Variants in KCNIP4 observed in about 807,000 individuals in gnomAD.
KCNIP4 encodes the protein Kv channel-interacting protein 4.
Under a neutral mutation model 34.0 loss-of-function variants are expected in KCNIP4, and 12 were observed. That is an observed-to-expected ratio of 0.35 (90% CI 0.23 to 0.57). The LOEUF (loss-of-function observed/expected upper bound fraction) is 0.57, where lower values mean the gene tolerates loss of function less well. Ranked by LOEUF, KCNIP4 falls within the 20% of genes least tolerant of loss-of-function variation. KCNIP4 has a pLI of 0.83. For synonymous variants in KCNIP4, 124 were observed against 102.2 expected, an observed-to-expected ratio of 1.21 and a Z score of -1.29; for missense variants, 238 against 311.7, an observed-to-expected ratio of 0.76 and a Z score of 1.78.
intron 3 of KCNIP4, among the ~76,000 whole-genome samples, chr4:20,838,351 C>T (rs996930199): frequency 1.3e-5 from 2 of 152,152 alleles, no homozygotes; most frequent in African/African-American, 4.8e-5. Context: ...GAAGGATTAG[C>T]TGAATCTAAG....
intron 1 of KCNIP4, among the ~76,000 whole-genome samples, chr4:21,529,713 A>T (rs563244615): frequency 6.6e-6 from 1 of 152,306 alleles, no homozygotes; most frequent in African/African-American, 2.4e-5. Context: ...CTCTCAAGAG[A>T]GAATGTCAAG....
chr4:21,437,701 T>C (rs1301893615), intron 1 of KCNIP4, among the ~76,000 whole-genome samples: 1 of 152,180 alleles, frequency 6.6e-6, no homozygotes, highest in East Asian at 1.9e-4. Flanking sequence ...CTTAACTAAA[T>C]ACGCAGTGAT....
intron 1 of KCNIP4, among the ~76,000 whole-genome samples, chr4:21,778,223 CCTTTTTTTTTTT>C (rs1719311483): frequency 8.3e-6 from 1 of 121,126 alleles, no homozygotes; most frequent in South Asian, 2.3e-4. Context: ...TTCCTTTTTT[CCTTTTTTTTTTT>C]CTTTTTTTTT....
Position 21,048,089 on chromosome 4 carries a change from T to G in KCNIP4, c.62-165380A>C, listed in dbSNP as rs1270125595. 9.2e-5 allele frequency among the ~76,000 whole-genome samples: 14 copies of G among 152,244 alleles called. No homozygotes were observed. The East Asian group carries it at 2.7e-3, about 29-fold the overall frequency. The stretch of plus-strand genomic sequence containing the variant: ...TGTGCACCTATCTCCACAATTATTT[T>G]GTATCTTTACCCTGAGTTATTTTTC... On this transcript the variant is annotated intron_variant, in intron 1 of 8. Coordinates refer to ENST00000382152, the MANE Select transcript of KCNIP4 (RefSeq NM_025221.6).
intron 1 of KCNIP4, among the ~76,000 whole-genome samples, chr4:21,945,197 A>G (rs907381299): frequency 2.0e-5 from 3 of 152,196 alleles, no homozygotes; most frequent in Non-Finnish European, 4.4e-5. Context: ...ACAATCAACC[A>G]CTACCTGGCC....
chr4:20,882,585 A>C (rs758686737), intron 2 of KCNIP4, 23 bp downstream of exon 2: 5 of 1,578,774 alleles, frequency 3.2e-6, no homozygotes, highest in Non-Finnish European at 1.7e-6. Context: ...GGAGGAAAAA[A>C]AAAAACAAAA....
intron 1 of KCNIP4, among the ~76,000 whole-genome samples, chr4:21,644,295 A>G (rs1746848939): frequency 6.6e-6 from 1 of 152,172 alleles, no homozygotes; most frequent in Non-Finnish European, 1.5e-5. Flanking sequence ...AAAGGGTTGG[A>G]GAAATTCCAA....
At chr4:20,960,820 A>T (rs903017911) in intron 1 of KCNIP4, among the ~76,000 whole-genome samples, 14 of 152,214 alleles carry the variant, frequency 9.2e-5, no homozygotes, top group Non-Finnish European at 1.8e-4. Flanking sequence ...TACTATTAAG[A>T]AAAAAGAAAG....
chr4:21,371,206 A>G (rs913376713), intron 1 of KCNIP4, among the ~76,000 whole-genome samples: 1 of 145,862 alleles, frequency 6.9e-6, no homozygotes, highest in Non-Finnish European at 1.5e-5. Context: ...TTTTAGGTAC[A>G]GGAATGAAAT....
intron 1 of KCNIP4, among the ~76,000 whole-genome samples, chr4:21,881,825 C>T (rs1376498674): frequency 6.6e-6 from 1 of 152,038 alleles, no homozygotes; most frequent in African/African-American, 2.4e-5. Context: ...TAGCCTTGAC[C>T]CAAACTTAGC....
chr4:21,217,603 A>T (rs1455502945), intron 1 of KCNIP4, among the ~76,000 whole-genome samples: 1 of 152,194 alleles, frequency 6.6e-6, no homozygotes, highest in Non-Finnish European at 1.5e-5. Context: ...ATGAGCTGCA[A>T]GGGGGAAGGA....
intron 1 of KCNIP4, among the ~76,000 whole-genome samples, chr4:21,123,571 AAAC>A (rs1750353306): frequency 6.6e-6 from 1 of 152,212 alleles, no homozygotes; most frequent in African/African-American, 2.4e-5. Flanking sequence ...CAGAAATTTA[AAAC>A]AATAAACAAT....
At chr4:21,872,110 C>T (rs1280523459) in intron 1 of KCNIP4, among the ~76,000 whole-genome samples, 1 of 152,030 alleles carries the variant, frequency 6.6e-6, no homozygotes, top group Non-Finnish European at 1.5e-5. Context: ...GCTGCAATTC[C>T]CTGACCTGGG....
chr4:21,884,276 C>G (rs534206842), intron 1 of KCNIP4, among the ~76,000 whole-genome samples: 53 of 152,196 alleles, frequency 3.5e-4, no homozygotes, highest in African/African-American at 1.2e-3. Flanking sequence ...AAAGGAAGAA[C>G]ATGGGGAATA....
intron 1 of KCNIP4, among the ~76,000 whole-genome samples, chr4:21,692,138 A>G (rs1273993583): frequency 6.6e-6 from 1 of 152,192 alleles, no homozygotes; most frequent in Non-Finnish European, 1.5e-5. Context: ...TTACTACTTT[A>G]AAGTTATGAC....
chr4:21,098,350 T>C (rs2109061552), intron 1 of KCNIP4, among the ~76,000 whole-genome samples: 1 of 152,328 alleles, frequency 6.6e-6, no homozygotes, highest in South Asian at 2.1e-4. Flanking sequence ...GAAGAAAATG[T>C]TATCTAGGAC....
intron 1 of KCNIP4, among the ~76,000 whole-genome samples, chr4:21,121,905 T>C (rs995986621): frequency 7.9e-5 from 12 of 152,196 alleles, no homozygotes; most frequent in African/African-American, 2.2e-4. Flanking sequence ...GAATGTTAAA[T>C]TGGAGGCAAT....
chr4:21,514,419 T>G (rs1734588959), intron 1 of KCNIP4, among the ~76,000 whole-genome samples: 1 of 152,188 alleles, frequency 6.6e-6, no homozygotes, highest in South Asian at 2.1e-4. Flanking sequence ...AAAGGACAGA[T>G]ATTTTAGAAA....
At chr4:21,049,484 AT>A (rs1742743577) in intron 1 of KCNIP4, among the ~76,000 whole-genome samples, 1 of 152,186 alleles carries the variant, frequency 6.6e-6, no homozygotes, top group South Asian at 2.1e-4. Flanking sequence ...AACTATACAC[AT>A]TTATTATCTC....
Sources: allele counts gnomAD v4.1 joint callset (sites outside exome capture counted in the v4.1 genomes callset), GRCh38; gene constraint gnomAD v4.1.1; transcripts MANE v1.5; gene names NCBI Gene and HGNC (gene_info 2026-07-23, HGNC 2026-07-21).